The following PLXNA4 variants were observed in gnomAD, a reference collection of about 807,000 sequenced individuals.
PLXNA4 encodes plexin-A4.
PLXNA4 carries 44 observed loss-of-function variants against 191.8 expected under a neutral mutation model. The ratio of observed to expected loss-of-function variants is 0.23; its 90% CI spans 0.18 to 0.29. The LOEUF (loss-of-function observed/expected upper bound fraction) is 0.29, where lower values mean the gene tolerates loss of function less well. Ranked by LOEUF, PLXNA4 falls within the 10% of genes least tolerant of loss-of-function variation. The probability of loss-of-function intolerance (pLI) is 1.00; values close to 1 mark genes in which losing one functional copy is unlikely to be tolerated. For synonymous variants in PLXNA4, 1,082 were observed against 1,009.5 expected, an observed-to-expected ratio of 1.07 and a Z score of -1.36; for missense variants, 1,800 against 2,488.8, an observed-to-expected ratio of 0.72 and a Z score of 5.89.
chr7:132,552,684 T>C (rs1800613854), intron 1 of PLXNA4, among the ~76,000 whole-genome samples: 1 of 152,192 alleles, frequency 6.6e-6, no homozygotes, highest in Admixed American at 6.5e-5. Context: ...GCACTGATAC[T>C]CCATTTTCTT....
At chr7:132,477,352 A>G (rs1054389933) in intron 3 of PLXNA4, among the ~76,000 whole-genome samples, 1 of 152,188 alleles carries the variant, frequency 6.6e-6, no homozygotes, top group Non-Finnish European at 1.5e-5. Context: ...ACCACCAAGC[A>G]GTAGCTTTAA....
intron 16 of PLXNA4, 91 bp downstream of exon 16, chr7:132,185,208 C>T: frequency 6.7e-7 from 1 of 1,491,330 alleles, no homozygotes; most frequent in Non-Finnish European, 8.9e-7. Context: ...CCAAGCAGGA[C>T]TGGGCCCCCA....
chr7:132,598,525 T>C (rs972723810), intron 2 of PLXNA4, among the ~76,000 whole-genome samples: 1 of 150,500 alleles, frequency 6.6e-6, no homozygotes, highest in African/African-American at 2.5e-5. Context: ...TAATTTGCAT[T>C]TTAAAGAGAT....
At chr7:132,287,519 G>A (rs901132904) in intron 4 of PLXNA4, among the ~76,000 whole-genome samples, 4 of 152,152 alleles carry the variant, frequency 2.6e-5, no homozygotes, top group Admixed American at 1.3e-4. Context: ...CAGCTGGTGA[G>A]TACTAAGGAC....
upstream of PLXNA4, among the ~76,000 whole-genome samples, chr7:132,581,664 T>C (rs1240355516): frequency 6.6e-6 from 1 of 152,180 alleles, no homozygotes; most frequent in Non-Finnish European, 1.5e-5. Flanking sequence ...TCTGCTGCCG[T>C]GCCATGGCTT....
At chr7:132,277,603 G>A (rs1044486484) in intron 4 of PLXNA4, among the ~76,000 whole-genome samples, 1 of 152,204 alleles carries the variant, frequency 6.6e-6, no homozygotes, top group Non-Finnish European at 1.5e-5. Context: ...CCATGTGGCT[G>A]CCTAGAAAAT....
At chr7:132,224,095 G>T (rs1432265888) in intron 8 of PLXNA4, among the ~76,000 whole-genome samples, 1 of 152,108 alleles carries the variant, frequency 6.6e-6, no homozygotes, top group African/African-American at 2.4e-5. Context: ...TCACTACGAT[G>T]GCTCCTCCAT....
At chr7:132,238,554 C>G (rs1450820777) in intron 5 of PLXNA4, among the ~76,000 whole-genome samples, 1 of 152,122 alleles carries the variant, frequency 6.6e-6, no homozygotes, top group African/African-American at 2.4e-5. Flanking sequence ...CAGCAGCAGA[C>G]AATGATGACC....
chr7:132,457,744 G>C (rs1245509485), intron 3 of PLXNA4, among the ~76,000 whole-genome samples: 2 of 152,230 alleles, frequency 1.3e-5, no homozygotes, highest in Non-Finnish European at 2.9e-5. Context: ...ACAGAGGATA[G>C]AGGGAGACTT....
chr7:132,386,125 A>G (rs1386004420), intron 3 of PLXNA4, among the ~76,000 whole-genome samples: 1 of 152,212 alleles, frequency 6.6e-6, no homozygotes, highest in Non-Finnish European at 1.5e-5. Context: ...GTCCATTGAT[A>G]GAGGGGCCCC....
At chr7:132,376,839 C>A (rs1440816804) in intron 3 of PLXNA4, among the ~76,000 whole-genome samples, 1 of 152,244 alleles carries the variant, frequency 6.6e-6, no homozygotes, top group African/African-American at 2.4e-5. Flanking sequence ...GCACCCAGTC[C>A]TCCTTGATCC....
intron 14 of PLXNA4, 66 bp downstream of exon 14, chr7:132,193,996 C>T: frequency 2.6e-6 from 4 of 1,559,856 alleles, no homozygotes; most frequent in Admixed American, 3.5e-5. Flanking sequence ...TCTAGAGGGG[C>T]CCAGCAATCA....
chr7:132,381,855 C>A (rs891099484), intron 3 of PLXNA4, among the ~76,000 whole-genome samples: 1 of 152,220 alleles, frequency 6.6e-6, no homozygotes, highest in African/African-American at 2.4e-5. Flanking sequence ...GCATCCCCTG[C>A]AGCCCACAAT....
Position 132,130,491 on chromosome 7 carries a change from G to A in PLXNA4, c.5673C>T (p.Ser1891=). 6.2e-7 allele frequency: 1 copy of A among 1,614,198 alleles called. No homozygotes were observed. Among genetic ancestry groups the A allele is most frequent in the African/African-American group, 1.3e-5 (1 of 75,040 alleles). ...YKLEQVITLM[S]LDS ...GGAAGGACGGTTCTCAGCTGTCTAA[G>A]CTCATGAGGGTTATGACTTGTTCTA... The change falls in exon 32 of 32, where the codon AGC becomes AGT. Residue 1891 remains serine, a synonymous_variant. Coordinates refer to ENST00000321063, the MANE Select transcript of PLXNA4 (RefSeq NM_020911.2).
intron 4 of PLXNA4, among the ~76,000 whole-genome samples, chr7:132,250,801 C>T (rs552065240): frequency 1.3e-5 from 2 of 152,304 alleles, no homozygotes; most frequent in Non-Finnish European, 2.9e-5. Context: ...AGATGAAGCT[C>T]AGTTGCTGCA....
intron 2 of PLXNA4, among the ~76,000 whole-genome samples, chr7:132,639,863 A>G (rs529873530): frequency 3.3e-5 from 5 of 152,318 alleles, no homozygotes; most frequent in African/African-American, 1.2e-4. Context: ...GATGAGAGTC[A>G]TGGGTAGAAA....
chr7:132,313,370 T>C (rs1208036072), intron 3 of PLXNA4, among the ~76,000 whole-genome samples: 3 of 152,180 alleles, frequency 2.0e-5, no homozygotes, highest in Non-Finnish European at 4.4e-5. Context: ...TACACTCTTA[T>C]ATTGCATGGT....
intron 5 of PLXNA4, among the ~76,000 whole-genome samples, chr7:132,230,933 T>C (rs11764845): frequency 0.039 from 5,904 of 152,274 alleles, 180 homozygotes; most frequent in Non-Finnish European, 0.06. Context: ...TCTATCTCTC[T>C]TCCAGGGGTA....
intron 3 of PLXNA4, among the ~76,000 whole-genome samples, chr7:132,422,037 G>A (rs1794868895): frequency 1.3e-5 from 2 of 152,230 alleles, no homozygotes; most frequent in South Asian, 4.1e-4. Context: ...TCACAGGGAA[G>A]TCGTTGTCAA....
Sources: gnomAD v4.1 joint callset for allele counts (sites outside exome capture counted in the v4.1 genomes callset) on GRCh38, gnomAD v4.1.1 for gene constraint, MANE v1.5 for transcripts, NCBI Gene and HGNC (gene_info 2026-07-23, HGNC 2026-07-21) for gene names.